PKD1L3: variants seen among roughly 807,000 people sequenced by gnomAD.
PKD1L3 encodes polycystin 1 like 3, transient receptor potential channel interacting.
Under a neutral mutation model 184.1 loss-of-function variants are expected in PKD1L3, and 239 were observed. That is an observed-to-expected ratio of 1.30 (90% CI 1.17 to 1.45). The LOEUF is 1.45. Ranked by LOEUF, PKD1L3 falls within the 40% of genes most tolerant of loss-of-function variation. The pLI, the probability that PKD1L3 is intolerant of heterozygous loss-of-function variation, is 0.00. For synonymous variants in PKD1L3, 996 were observed against 778.8 expected (o/e 1.28, Z -4.64); for missense variants, 2,660 against 2,067.2 (o/e 1.29, Z -5.56).
In PKD1L3 at chr16:71,951,634, T is replaced by C; in HGVS notation, c.3120A>G (p.Leu1040=). ...CCAAGTGAGATGATACGAGGCTGGA[T>C]AAAAGTTTCACCAGCTTAGTAATGT... is the stretch of plus-strand genomic sequence containing the variant. ...SWDITKLVKL[L]SSLVSSHLEG... is the part of the protein sequence containing the mutation. Residue 1040 remains leucine (L), a synonymous_variant, in exon 19 of 30, where the codon TTA becomes TTG. Transcript: ENST00000620267. 1.3e-6 allele frequency: 2 copies of C among 1,551,642 alleles called. No homozygotes were observed. Among genetic ancestry groups the C allele is most frequent in the East Asian group, 2.4e-5 (1 of 40,936 alleles).
chr16:71,961,477 C>T (rs2039276885), intron 16 of PKD1L3, among the ~76,000 whole-genome samples: 1 of 152,146 alleles, frequency 6.6e-6, no homozygotes, highest in Middle Eastern at 3.2e-3. Flanking sequence ...AAAGCCCCTA[C>T]TTAGTTCTGT....
intron 13 of PKD1L3, among the ~76,000 whole-genome samples, chr16:71,969,471 C>CTTT (rs71391427): frequency 0.018 from 2,080 of 117,322 alleles, 51 homozygotes; most frequent in Non-Finnish European, 0.023. Flanking sequence ...ATGCCAGGCT[C>CTTT]TTTTTTTTTT....
chr16:71,968,950 A>C (rs958749444), intron 13 of PKD1L3, among the ~76,000 whole-genome samples: 5 of 149,092 alleles, frequency 3.4e-5, no homozygotes, highest in African/African-American at 1.2e-4. Context: ...TTTGAGACAG[A>C]ATCTCACTCT....
rs1238194757 is a variant in PKD1L3, at chr16:71,978,162, C to T, written c.1527+93G>A. 2.2e-6 allele frequency: 3 copies of T among 1,372,188 alleles called. No homozygotes were observed. In the African/African-American group the frequency reaches 4.4e-5, roughly 20 times the overall value. 85.0% of individuals were successfully genotyped at this position (1,372,188 alleles called of 1,614,324 possible). Reference sequence around the variant, plus strand: ...ACAAAACAATGGCACTGCCATCAATCTAACATAATTCCCTTTAAGTTGTTG... The same window carrying T: ...ACAAAACAATGGCACTGCCATCAATTTAACATAATTCCCTTTAAGTTGTTG... On this transcript the variant is annotated intron_variant, in intron 10 of 29. Coordinates refer to ENST00000620267, the MANE Select transcript of PKD1L3 (RefSeq NM_181536.2).
intron 24 of PKD1L3, among the ~76,000 whole-genome samples, chr16:71,941,662 G>A (rs1286733416): frequency 7.0e-6 from 1 of 142,172 alleles, no homozygotes; most frequent in Non-Finnish European, 1.5e-5. Flanking sequence ...TCAGCTCACT[G>A]CAACCTCCAC....
chr16:71,982,278 CTTTTTTTTTTTT>C lies in PKD1L3; in HGVS notation c.967-55_967-44del, dbSNP rs35324670. 2.3e-5 allele frequency: 10 copies of C among 431,898 alleles called. No homozygotes were observed. The East Asian group carries it at 3.4e-4, about 15-fold the overall frequency. The allele number at this position is 431,898 out of a possible 1,614,324, so 26.8% of individuals were successfully genotyped here. On this transcript the variant is annotated intron_variant, in intron 6 of 29. Transcript: ENST00000620267. ...CAAACATACACCCTTGAATTGTTTGCTTTTTTTTTTTTTTTTTTTTTTTGGTGACAGAGTTTC... is the reference window on the plus strand; with the variant it reads ...CAAACATACACCCTTGAATTGTTTGCTTTTTTTTTTTGGTGACAGAGTTTC...
intron 24 of PKD1L3, among the ~76,000 whole-genome samples, chr16:71,940,409 T>C (rs2038321121): frequency 6.6e-6 from 1 of 152,188 alleles, no homozygotes. Flanking sequence ...GATTGGAGTT[T>C]GTAGGGTCTC....
chr16:71,938,283 C>A lies in PKD1L3; in HGVS notation c.4325-864G>T, dbSNP rs1246064718. On this transcript the variant is annotated intron_variant, in intron 24 of 29. Coordinates refer to ENST00000620267, the MANE Select transcript of PKD1L3 (RefSeq NM_181536.2). ...GCTTGGGGCAGTGCTGACAAGCAGCCCCCTACTGCCTCGGCCTTCTCCGAA... is the reference window on the plus strand; with the variant it reads ...GCTTGGGGCAGTGCTGACAAGCAGCACCCTACTGCCTCGGCCTTCTCCGAA... 2.6e-5 allele frequency among the ~76,000 whole-genome samples: 4 copies of A among 152,252 alleles called. 1 individual carries two copies. Among genetic ancestry groups the A allele is most frequent in the African/African-American group, 9.6e-5 (4 of 41,468 alleles).
intron 17 of PKD1L3, 139 bp from the exon 18 acceptor site, chr16:71,953,232 C>G (rs1229566673): frequency 2.8e-6 from 2 of 722,790 alleles, no homozygotes; most frequent in African/African-American, 3.7e-5. Flanking sequence ...CAGTAAAGAC[C>G]ATGTTGTGTT....
At position 71,970,058 on chromosome 16, in the gene PKD1L3, G is replaced by T; in HGVS notation, c.2001C>A (p.His667Gln). 2.6e-6 allele frequency: 4 copies of T among 1,551,704 alleles called. No homozygotes were observed. The highest frequency in any genetic ancestry group is 3.5e-6 in the Non-Finnish European group (4 of 1,146,996). Reference protein sequence around the residue: ...TILRTQCLCNHLTFFASDFFV... With the variant: ...TILRTQCLCNQLTFFASDFFV... ...AGAAGTCGCTGGCAAAGAAGGTCAG[G>T]TGGTTACAGAGACACTGTGTCCTCA... Residue 667 changes from histidine to glutamine, a missense_variant, in exon 13 of 30, where the codon CAC (histidine) becomes CAA (glutamine). Coordinates refer to ENST00000620267, the MANE Select transcript of PKD1L3 (RefSeq NM_181536.2).
chr16:71,967,255 G>A lies in PKD1L3; in HGVS notation c.2347C>T (p.Gln783Ter). The A allele has an allele frequency of 6.4e-7, 1 of 1,551,484 alleles. No homozygotes were observed. Among genetic ancestry groups the A allele is most frequent in the Non-Finnish European group, 8.7e-7 (1 of 1,146,846 alleles). ...RSEPHHLCDP[Q>*]KTVFERGGLD... The stretch of plus-strand genomic sequence containing the variant: ...CCCCCTCGTTCAAAGACTGTCTTCT[G>A]GGGGTCACAGAGGTGATGGGGCTCA... The change falls in exon 15 of 30, where the codon CAG becomes TAG. Residue 783 changes from glutamine to a stop codon, truncating the protein, a stop_gained. Coordinates refer to ENST00000620267, the MANE Select transcript of PKD1L3 (RefSeq NM_181536.2). LOFTEE classifies it high-confidence loss of function.
At chr16:71,985,264 C>A (rs142481017) in intron 5 of PKD1L3, among the ~76,000 whole-genome samples, 1 of 152,074 alleles carries the variant, frequency 6.6e-6, no homozygotes, top group Non-Finnish European at 1.5e-5. Flanking sequence ...AAATAGAACA[C>A]TGAATTTCCA....
intron 12 of PKD1L3, among the ~76,000 whole-genome samples, chr16:71,972,650 CT>C (rs1461618672): frequency 3.3e-5 from 5 of 152,126 alleles, no homozygotes; most frequent in Non-Finnish European, 7.4e-5. Context: ...TGCCACTGCA[CT>C]CCAGCCTGAG....
intron 12 of PKD1L3, among the ~76,000 whole-genome samples, chr16:71,972,593 C>T (rs1174303601): frequency 1.3e-5 from 2 of 149,962 alleles, no homozygotes; most frequent in South Asian, 2.1e-4. Context: ...TTGAGGCAGG[C>T]GGATCTTTTG....
chr16:71,933,866 C>G, intron 27 of PKD1L3, 49 bp downstream of exon 27: 1 of 1,533,746 alleles, frequency 6.5e-7, no homozygotes, highest in Non-Finnish European at 8.8e-7. Flanking sequence ...CGATGCGATT[C>G]CAAGACCACA....
intron 28 of PKD1L3, among the ~76,000 whole-genome samples, chr16:71,931,804 C>A (rs2037981958): frequency 6.6e-6 from 1 of 152,098 alleles, no homozygotes; most frequent in African/African-American, 2.4e-5. Flanking sequence ...TTTGCATAAA[C>A]CCTATATACA....
intron 2 of PKD1L3, among the ~76,000 whole-genome samples, chr16:71,995,073 G>A (rs1191186086): frequency 1.3e-5 from 2 of 152,178 alleles, no homozygotes; most frequent in Non-Finnish European, 1.5e-5. Flanking sequence ...CACAAACAGG[G>A]TAATTTATAA....
In PKD1L3 at chr16:71,968,474, T is replaced by A. The variant is rs140988444; in HGVS notation, c.2185-467A>T. On this transcript the variant is annotated intron_variant, in intron 13 of 29. Coordinates refer to ENST00000620267, the MANE Select transcript of PKD1L3 (RefSeq NM_181536.2). ...ACCCAGGGCAACAAGAAGTGAACAC[T>A]TGGCGTATTCTAGAATTTCCAAGTG... 2.6e-4 allele frequency among the ~76,000 whole-genome samples: 39 copies of A among 152,328 alleles called. No individual in the cohort carries two copies. In the East Asian group the frequency reaches 7.1e-3, roughly 28 times the overall value.
chr16:71,969,989 C>G lies in PKD1L3; in HGVS notation c.2070G>C (p.Leu690=). The G allele has an allele frequency of 6.4e-7, 1 of 1,551,768 alleles. No individual in the cohort carries two copies. The highest frequency in any genetic ancestry group is 8.7e-7 in the Non-Finnish European group (1 of 1,147,028). ...CAGGATTGTTGGTCACGCGAAGGAA[C>G]AGTTTGATCGTGTCTTCAACATTCA... ...RTVNVEDTIK[L]FLRVTNNPVG... is the part of the protein sequence containing the mutation. The change falls in exon 13 of 30, where the codon CTG becomes CTC. Residue 690 remains leucine, a synonymous_variant. Coordinates refer to ENST00000620267, the MANE Select transcript of PKD1L3 (RefSeq NM_181536.2).
Sources: allele counts gnomAD v4.1 joint callset (sites outside exome capture counted in the v4.1 genomes callset), GRCh38; gene constraint gnomAD v4.1.1; transcripts MANE v1.5; gene names NCBI Gene and HGNC (gene_info 2026-07-23, HGNC 2026-07-21).